The following TMEM168 variants were observed in gnomAD, a reference collection of about 807,000 sequenced individuals.
The protein encoded by TMEM168 is transmembrane protein 168.
Under a neutral mutation model 53.2 loss-of-function variants are expected in TMEM168, and 40 were observed. The observed-to-expected ratio is 0.75, with a 90% confidence interval of 0.58 to 0.98. The LOEUF (loss-of-function observed/expected upper bound fraction) is 0.98. TMEM168 is among the 50% of genes least tolerant of loss of function. The pLI, the probability that TMEM168 is intolerant of heterozygous loss-of-function variation, is 0.00. For synonymous variants in TMEM168, 282 were observed against 293.0 expected (o/e 0.96, Z 0.38); for missense variants, 771 against 828.8 (o/e 0.93, Z 0.86).
rs35855244 is a variant in TMEM168, at chr7:112,764,807, CTT to C, written c.*2388_*2389del. 150 of 129,740 alleles carry C rather than the reference CTT, an allele frequency of 1.2e-3. No homozygotes were observed. The East Asian group carries it at 0.019, about 17-fold the overall frequency. 8.0% of individuals were successfully genotyped at this position (129,740 alleles called of 1,614,324 possible). A position where few individuals can be genotyped will look rare whatever the true frequency, so the allele number is the denominator to read the frequency against. ...GCCACCATGCCTGGCTAAACATGTA[CTT>C]TTTTTTTTTTTTGAGACAAAGAAAG... On this transcript the variant is annotated 3_prime_UTR_variant, in exon 5 of 5. Coordinates refer to ENST00000312814, the MANE Select transcript of TMEM168 (RefSeq NM_022484.6).
rs1312365115 is a variant in TMEM168 at position 112,764,200 on chromosome 7, TG to T, written c.*2996del. The stretch of plus-strand genomic sequence containing the variant: ...ATTCATACTGTTTTTTTTATTCTAT[TG>T]AAAAAAAAGATGATGTTTTTAGAGC... On this transcript the variant is annotated 3_prime_UTR_variant, in exon 5 of 5. Transcript: ENST00000312814. 1.3e-5 allele frequency: 2 copies of T among 151,830 alleles called. No homozygotes were observed. Among genetic ancestry groups the T allele is most frequent in the African/African-American group, 4.8e-5 (2 of 41,392 alleles). 9.4% of individuals were successfully genotyped at this position (151,830 alleles called of 1,614,324 possible).
At chr7:112,769,868 A>G (rs1792884777) in intron 4 of TMEM168, among the ~76,000 whole-genome samples, 1 of 152,166 alleles carries the variant, frequency 6.6e-6, no homozygotes, top group Admixed American at 6.5e-5. Context: ...GAAACTCCAT[A>G]AATATAAGAA....
Position 112,766,522 on chromosome 7 carries a change from T to TG in TMEM168, c.*674dup, listed in dbSNP as rs1333863967. The TG allele has an allele frequency of 6.6e-6, 1 of 152,616 alleles. No individual in the cohort carries two copies. Among genetic ancestry groups the TG allele is most frequent in the Admixed American group, 6.5e-5 (1 of 15,276 alleles). 9.5% of individuals were successfully genotyped at this position (152,616 alleles called of 1,614,324 possible). ...TATTACCAGTGTTTTCAGGGCCCCC[T>TG]GACCAACGCATGGAAGAGCAACTTG... On this transcript the variant is annotated 3_prime_UTR_variant, in exon 5 of 5. Transcript: ENST00000312814.
At chr7:112,775,997 A>G (rs1793072257) in intron 2 of TMEM168, among the ~76,000 whole-genome samples, 1 of 151,866 alleles carries the variant, frequency 6.6e-6, no homozygotes, top group Non-Finnish European at 1.5e-5. Context: ...TTGCAATGAA[A>G]AAGCAGAAAA....
intron 1 of TMEM168, among the ~76,000 whole-genome samples, chr7:112,786,718 C>A (rs997656043): frequency 2.6e-5 from 4 of 152,050 alleles, no homozygotes; most frequent in African/African-American, 9.7e-5. Context: ...CACTGCTGGA[C>A]GGGGGGAAGA....
chr7:112,767,180 C>A lies in TMEM168; in HGVS notation c.*17G>T. 6 of 1,591,504 alleles carry A rather than the reference C, an allele frequency of 3.8e-6. No individual in the cohort carries two copies. Among genetic ancestry groups the A allele is most frequent in the Non-Finnish European group, 4.3e-6 (5 of 1,170,164 alleles). On this transcript the variant is annotated 3_prime_UTR_variant, in exon 5 of 5. Transcript: ENST00000312814. ...GGTAGTATGAGTGCTTATTAATATC[C>A]CGCTTTGGGGTCCAAATTAAGATTT...
In TMEM168 at chr7:112,765,857, A is replaced by C. The variant is rs1158960499; in HGVS notation, c.*1340T>G. On this transcript the variant is annotated 3_prime_UTR_variant, in exon 5 of 5. Coordinates refer to ENST00000312814, the MANE Select transcript of TMEM168 (RefSeq NM_022484.6). ...GTTCCCTGACTCTAACTTCTTCCTA[A>C]CTTAAAAGTTCAATTTTCAAGTCAC... The C allele has an allele frequency of 1.4e-5, 2 of 146,466 alleles. No individual in the cohort carries two copies. The highest frequency in any genetic ancestry group is 5.0e-5 in the African/African-American group (2 of 39,898). The allele number at this position is 146,466 out of a possible 1,614,324, so 9.1% of individuals were successfully genotyped here. A position where few individuals can be genotyped will look rare whatever the true frequency, so the allele number is the denominator to read the frequency against.
At chr7:112,771,444 A>G (rs1261387381) in intron 4 of TMEM168, among the ~76,000 whole-genome samples, 1 of 152,210 alleles carries the variant, frequency 6.6e-6, no homozygotes, top group Non-Finnish European at 1.5e-5. Context: ...AAGTGATGGT[A>G]TCTATCTCAA....
intron 4 of TMEM168, among the ~76,000 whole-genome samples, chr7:112,769,680 T>C (rs1584435590): frequency 6.6e-6 from 1 of 152,332 alleles, no homozygotes; most frequent in East Asian, 1.9e-4. Context: ...TACATTTATC[T>C]AAGCTAATAT....
chr7:112,767,414 G>A lies in TMEM168; in HGVS notation c.1877C>T (p.Thr626Ile), dbSNP rs1792811099. 6.2e-7 allele frequency: 1 copy of A among 1,614,174 alleles called. No individual in the cohort carries two copies. ...YGVSKRWSDYTLHLPTGSDVA... is the reference protein window; with the variant it reads ...YGVSKRWSDYILHLPTGSDVA... ...ATCGCTTCCCGTTGGCAAATGCAGA[G>A]TGTAGTCACTCCACCGTTTTGACAC... The change falls in exon 5 of 5, where the codon ACT (threonine) becomes ATT (isoleucine). Residue 626 changes from threonine to isoleucine, a missense_variant. Coordinates refer to ENST00000312814, the MANE Select transcript of TMEM168 (RefSeq NM_022484.6).
chr7:112,784,773 G>A lies in TMEM168; in HGVS notation c.53C>T (p.Thr18Ile). The A allele has an allele frequency of 6.2e-7, 1 of 1,609,670 alleles. No homozygotes were observed. The highest frequency in any genetic ancestry group is 8.5e-7 in the Non-Finnish European group (1 of 1,179,016). The part of the protein sequence containing the change: ...CFSHCLYLAM[T>I]RLEEVNREVN... ...TTCTCTATTTACTTCTTCCAGTCTT[G>A]TCATTGCTAAATAGAGACAATGACT... The change falls in exon 2 of 5, where the codon ACA (threonine) becomes ATA (isoleucine). Residue 18 changes from threonine (T) to isoleucine (I), a missense_variant. Transcript: ENST00000312814.
intron 1 of TMEM168, among the ~76,000 whole-genome samples, chr7:112,787,662 G>T (rs879490296): frequency 7.0e-6 from 1 of 141,934 alleles, no homozygotes; most frequent in African/African-American, 2.6e-5. Flanking sequence ...TGATCCACCC[G>T]CCTCGCCTCC....
At chr7:112,780,756 G>C (rs1793205051) in intron 2 of TMEM168, among the ~76,000 whole-genome samples, 1 of 152,096 alleles carries the variant, frequency 6.6e-6, no homozygotes, top group Non-Finnish European at 1.5e-5. Context: ...AGACTACAAT[G>C]TTAAATGATT....
chr7:112,767,648 T>C lies in TMEM168; in HGVS notation c.1643A>G (p.Asn548Ser). The C allele has an allele frequency of 6.2e-7, 1 of 1,614,100 alleles. No homozygotes were observed. Among genetic ancestry groups the C allele is most frequent in the Non-Finnish European group, 8.5e-7 (1 of 1,180,000 alleles). The change falls in exon 5 of 5, where the codon AAT becomes AGT. Residue 548 changes from asparagine to serine, a missense_variant. Physicochemically the swap from Asn to Ser is conservative, Grantham distance 46. Coordinates refer to ENST00000312814, the MANE Select transcript of TMEM168 (RefSeq NM_022484.6). The stretch of plus-strand genomic sequence containing the variant: ...CACTTCTTTCACCCAAGGGGTTGAA[T>C]TTTCGCTGTCTAATACGATAATAAG... The part of the protein sequence containing the change: ...SRLIIVLDSE[N>S]STPWVKEVRK...
chr7:112,767,252 C>T lies in TMEM168; in HGVS notation c.2039G>A (p.Trp680Ter), dbSNP rs757516792. The change falls in exon 5 of 5, where the codon TGG (tryptophan) becomes TAG (stop). Residue 680 changes from tryptophan to a stop codon, truncating the protein, a stop_gained. Coordinates refer to ENST00000312814, the MANE Select transcript of TMEM168 (RefSeq NM_022484.6). LOFTEE classifies it high-confidence loss of function. ...FRCLKRLKMS[W>*]FLPTVLDTGQ... Reference sequence around the variant, plus strand: ...TGTGTCCAGCACAGTAGGAAGAAACCAACTCATTTTTAATCTTTTCAAGCA... The same window carrying T: ...TGTGTCCAGCACAGTAGGAAGAAACTAACTCATTTTTAATCTTTTCAAGCA... 3 of 1,613,882 alleles carry T rather than the reference C, an allele frequency of 1.9e-6. No homozygotes were observed. Among genetic ancestry groups the T allele is most frequent in the Non-Finnish European group, 2.5e-6 (3 of 1,179,982 alleles).
intron 1 of TMEM168, among the ~76,000 whole-genome samples, chr7:112,788,236 T>C (rs1248780801): frequency 2.0e-5 from 3 of 152,228 alleles, no homozygotes; most frequent in Non-Finnish European, 4.4e-5. Context: ...TCTCTCACTA[T>C]ATACTTTCTC....
Position 112,764,467 on chromosome 7 carries a change from A to C in TMEM168, c.*2730T>G, listed in dbSNP as rs1792723799. ...AACCAATCACTTTATTCTTCTTGTA[A>C]TATTTCTTTTCTACACCCTTATTAT... On this transcript the variant is annotated 3_prime_UTR_variant, in exon 5 of 5. Transcript: ENST00000312814. 1.3e-5 allele frequency: 2 copies of C among 151,352 alleles called. No individual in the cohort carries two copies. Among genetic ancestry groups the C allele is most frequent in the Admixed American group, 6.6e-5 (1 of 15,196 alleles). 9.4% of individuals were successfully genotyped at this position (151,352 alleles called of 1,614,324 possible). A position where few individuals can be genotyped will look rare whatever the true frequency, so the allele number is the denominator to read the frequency against.
rs555518475 is a variant in TMEM168 at position 112,782,366 on chromosome 7, A to G, written c.1128+1332T>C. Among the ~76,000 whole-genome samples the G allele has an allele frequency of 1.8e-4, 27 of 152,288 alleles. No individual in the cohort carries two copies. The East Asian group carries it at 5.2e-3, about 29-fold the overall frequency. On this transcript the variant is annotated intron_variant, in intron 2 of 4. Transcript: ENST00000312814. ...AAGTTTGGAGACCAAGAAAATATTC[A>G]TATTTGGTTAACAGAATTTGAAAGC... is the stretch of plus-strand genomic sequence containing the variant.
At chr7:112,775,146 G>A (rs778806396) in intron 3 of TMEM168, 30 bp downstream of exon 3, 1 of 1,542,260 alleles carries the variant, frequency 6.5e-7, no homozygotes, top group Non-Finnish European at 8.7e-7. Flanking sequence ...GAAGTGAATA[G>A]TTATCACTAA....
Sources: gnomAD v4.1 joint callset for allele counts (sites outside exome capture counted in the v4.1 genomes callset) on GRCh38, gnomAD v4.1.1 for gene constraint, MANE v1.5 for transcripts, NCBI Gene and HGNC (gene_info 2026-07-23, HGNC 2026-07-21) for gene names.